SCARA3: variants seen among roughly 807,000 people sequenced by gnomAD.
SCARA3 encodes the protein cellular stress response gene protein.
A neutral mutation model predicts 47.0 loss-of-function variants in SCARA3; 39 were observed. The ratio of observed to expected loss-of-function variants is 0.83; its 90% CI spans 0.64 to 1.08. The LOEUF is 1.08. Among genes scored for constraint, SCARA3 ranks in the 50% least tolerant of loss-of-function variants. The probability of loss-of-function intolerance (pLI) is 0.00; values close to 1 mark genes in which losing one functional copy is unlikely to be tolerated. For synonymous variants in SCARA3, 356 were observed against 334.1 expected (o/e 1.07, Z -0.71); for missense variants, 724 against 792.3 (o/e 0.91, Z 1.04).
downstream of SCARA3, chr8:27,673,111 G>A (rs1348298760): frequency 7.2e-6 from 4 of 559,296 alleles, no homozygotes; most frequent in African/African-American, 4.1e-5. Context: ...AACCAGTGAC[G>A]AGGGTCCCCC....
chr8:27,704,533 C>T, the SCARA3 span, among the ~76,000 whole-genome samples: 3 of 152,086 alleles, frequency 2.0e-5, no homozygotes, highest in Non-Finnish European at 4.4e-5. Context: ...AGTGCTGCCT[C>T]GCAAAGACAA....
At chr8:27,714,990 G>T in the SCARA3 span, among the ~76,000 whole-genome samples, 2 of 152,066 alleles carry the variant, frequency 1.3e-5, no homozygotes, top group Non-Finnish European at 2.9e-5. Flanking sequence ...CATGATCATG[G>T]CTCACTGCAG....
At chr8:27,710,063 T>C in the SCARA3 span, among the ~76,000 whole-genome samples, 1 of 152,128 alleles carries the variant, frequency 6.6e-6, no homozygotes, top group South Asian at 2.1e-4. Context: ...ACCGCGTCTC[T>C]ACTACAAATA....
At position 27,671,442 on chromosome 8, in the gene SCARA3, T is replaced by C; in HGVS notation, c.*91T>C. On this transcript the variant is annotated 3_prime_UTR_variant, in exon 6 of 6. Coordinates refer to ENST00000301904, the MANE Select transcript of SCARA3 (RefSeq NM_016240.3). ...AGAAAGCCTCACCTACAGACAGCTG[T>C]GGTCCTCTGATTCCAATGAGGGGGC... 1 of 1,327,166 alleles carries C rather than the reference T, an allele frequency of 7.5e-7. No homozygotes were observed. Among genetic ancestry groups the C allele is most frequent in the Non-Finnish European group, 9.6e-7 (1 of 1,044,266 alleles). The allele number at this position is 1,327,166 out of a possible 1,614,324, so 82.2% of individuals were successfully genotyped here.
Position 27,671,879 on chromosome 8 carries a change from G to GAACA in SCARA3, c.*528_*529insAACA. ...GGGCCAACTGGGTTTCCCTGGCTGGGCAGGAGGAGAGGGCAGAGGAAGACC... is the reference window on the plus strand; with the variant it reads ...GGGCCAACTGGGTTTCCCTGGCTGGGAACACAGGAGGAGAGGGCAGAGGAAGACC... On this transcript the variant is annotated 3_prime_UTR_variant, in exon 6 of 6. Coordinates refer to ENST00000301904, the MANE Select transcript of SCARA3 (RefSeq NM_016240.3). 1.0e-6 allele frequency: 1 copy of GAACA among 985,498 alleles called. No homozygotes were observed. The highest frequency in any genetic ancestry group is 1.2e-6 in the Non-Finnish European group (1 of 829,976). The allele number at this position is 985,498 out of a possible 1,614,324, so 61.0% of individuals were successfully genotyped here.
At chr8:27,642,873 C>T (rs62497968) in intron 1 of SCARA3, among the ~76,000 whole-genome samples, 16 of 152,138 alleles carry the variant, frequency 1.1e-4, no homozygotes, top group Admixed American at 6.5e-4. Context: ...ATTCCCACCC[C>T]TCCCATCCCT....
intron 3 of SCARA3, among the ~76,000 whole-genome samples, chr8:27,655,129 T>C (rs375686436): frequency 1.3e-5 from 2 of 152,196 alleles, no homozygotes; most frequent in East Asian, 3.9e-4. Flanking sequence ...AGCCTGGAGA[T>C]TCCAAATAAT....
At chr8:27,655,207 A>G (rs574244843) in intron 3 of SCARA3, among the ~76,000 whole-genome samples, 2 of 152,292 alleles carry the variant, frequency 1.3e-5, no homozygotes, top group South Asian at 2.1e-4. Flanking sequence ...TTCATTTTAC[A>G]TATGATTGAA....
At chr8:27,698,167 TA>T in the SCARA3 span, among the ~76,000 whole-genome samples, 1 of 152,368 alleles carries the variant, frequency 6.6e-6, no homozygotes, top group African/African-American at 2.4e-5. Flanking sequence ...TAAAAATTGC[TA>T]AAGGGTATTC....
the SCARA3 span, among the ~76,000 whole-genome samples, chr8:27,690,142 T>C: frequency 6.6e-6 from 1 of 152,074 alleles, no homozygotes; most frequent in African/African-American, 2.4e-5. Context: ...TGGGATAAAA[T>C]ACAGGAATTA....
intron 2 of SCARA3, among the ~76,000 whole-genome samples, chr8:27,650,514 T>G (rs1801609166): frequency 6.6e-6 from 1 of 152,232 alleles, no homozygotes. Context: ...GTTCTCAACC[T>G]TGGCTCTTCA....
intron 1 of SCARA3, among the ~76,000 whole-genome samples, chr8:27,648,389 G>A (rs534370160): frequency 3.3e-5 from 5 of 152,164 alleles, no homozygotes; most frequent in African/African-American, 7.2e-5. Context: ...GGTGGATCAC[G>A]GTCAGGAGAT....
rs117996150 is a variant in SCARA3 at position 27,653,301 on chromosome 8, C to A, written c.226+1674C>A. 9.8e-3 allele frequency among the ~76,000 whole-genome samples: 1,494 copies of A among 152,222 alleles called. 12 individuals are homozygous for A. Among genetic ancestry groups the A allele is most frequent in the Middle Eastern group, 0.017 (5 of 294 alleles). Reference sequence around the variant, plus strand: ...CATGAGTCAGCCTGGCAGGCTGGAGCGGGAGGCTGGCCCCATTCCTCACGG... The same window carrying A: ...CATGAGTCAGCCTGGCAGGCTGGAGAGGGAGGCTGGCCCCATTCCTCACGG... On this transcript the variant is annotated intron_variant, in intron 3 of 5. Coordinates refer to ENST00000301904, the MANE Select transcript of SCARA3 (RefSeq NM_016240.3).
At chr8:27,711,984 C>T in the SCARA3 span, among the ~76,000 whole-genome samples, 11 of 152,240 alleles carry the variant, frequency 7.2e-5, no homozygotes, top group South Asian at 1.0e-3. Flanking sequence ...TTTGGGCAAA[C>T]GTATAATGAC....
the SCARA3 span, among the ~76,000 whole-genome samples, chr8:27,700,417 G>A: frequency 6.6e-6 from 1 of 152,176 alleles, no homozygotes; most frequent in Non-Finnish European, 1.5e-5. Flanking sequence ...GAACAGCCTG[G>A]CCAACATGGT....
At chr8:27,667,665 G>A (rs570777145) in intron 5 of SCARA3, among the ~76,000 whole-genome samples, 4 of 152,232 alleles carry the variant, frequency 2.6e-5, no homozygotes, top group African/African-American at 9.6e-5. Flanking sequence ...GACACTCGAC[G>A]AAGTTGGCAA....
chr8:27,644,929 C>T (rs1432241135), intron 1 of SCARA3, among the ~76,000 whole-genome samples: 1 of 150,182 alleles, frequency 6.7e-6, no homozygotes, highest in African/African-American at 2.5e-5. Context: ...AAAAACACGA[C>T]CCCCCCAAAC....
At chr8:27,675,472 T>C (rs1404741226), downstream of SCARA3, among the ~76,000 whole-genome samples, 1 of 152,152 alleles carries the variant, frequency 6.6e-6, no homozygotes, top group Non-Finnish European at 1.5e-5. Context: ...TGTTTTCTTT[T>C]GAACACTTCC....
the SCARA3 span, among the ~76,000 whole-genome samples, chr8:27,686,956 C>T: frequency 1.3e-5 from 2 of 152,170 alleles, no homozygotes; most frequent in Non-Finnish European, 2.9e-5. Flanking sequence ...CCCACCCACC[C>T]CTCGACAGGC....
Sources: allele counts gnomAD v4.1 joint callset (sites outside exome capture counted in the v4.1 genomes callset), GRCh38; gene constraint gnomAD v4.1.1; transcripts MANE v1.5; gene names NCBI Gene and HGNC (gene_info 2026-07-23, HGNC 2026-07-21).